TBX1: variants seen among roughly 807,000 people sequenced by gnomAD.
The protein encoded by TBX1 is T-box transcription factor TBX1.
Under a neutral mutation model 40.8 loss-of-function variants are expected in TBX1, and 16 were observed. The ratio of observed to expected loss-of-function variants is 0.39; its 90% confidence interval spans 0.27 to 0.60. The LOEUF (loss-of-function observed/expected upper bound fraction) is 0.60, where lower values mean the gene tolerates loss of function less well. Ranked by LOEUF, TBX1 falls within the 20% of genes least tolerant of loss-of-function variation. The pLI, the probability that TBX1 is intolerant of heterozygous loss-of-function variation, is 0.51. For synonymous variants in TBX1, 403 were observed against 336.8 expected, an observed-to-expected ratio of 1.20 and a Z score of -2.15; for missense variants, 755 against 728.5, an observed-to-expected ratio of 1.04 and a Z score of -0.42.
upstream of TBX1, among the ~76,000 whole-genome samples, chr22:19,760,525 C>A (rs1039877254): frequency 6.9e-6 from 1 of 143,910 alleles, no homozygotes; most frequent in Non-Finnish European, 1.5e-5. Flanking sequence ...GAGGGCCGGC[C>A]GACGGGCCCG....
chr22:19,774,589 G>A (rs41297790), intron 8 of TBX1, among the ~76,000 whole-genome samples: 1,975 of 152,216 alleles, frequency 0.013, 26 homozygotes, highest in South Asian at 0.047. Flanking sequence ...ATAAGTGAAC[G>A]GATCAACAAA....
rs772562231 is a variant in TBX1, at chr22:19,765,749, T to C, written c.868-9T>C. On this transcript the variant is annotated splice_polypyrimidine_tract_variant and intron_variant, in intron 4 of 6. Coordinates refer to ENST00000649276, the MANE Select transcript of TBX1 (RefSeq NM_001379200.1). ...CTCCAGCGGCTTGCTCACACCCACCTCCCTGCAGATCACGCAGCTCAAGAT... is the reference window on the plus strand; with the variant it reads ...CTCCAGCGGCTTGCTCACACCCACCCCCCTGCAGATCACGCAGCTCAAGAT... The C allele has an allele frequency of 1.2e-6, 2 of 1,611,036 alleles. No homozygotes were observed. Among genetic ancestry groups the C allele is most frequent in the Non-Finnish European group, 1.7e-6 (2 of 1,179,080 alleles).
At chr22:19,774,525 T>C (rs1347165120) in intron 8 of TBX1, among the ~76,000 whole-genome samples, 1 of 152,186 alleles carries the variant, frequency 6.6e-6, no homozygotes, top group African/African-American at 2.4e-5. Flanking sequence ...CCACCCATGT[T>C]CATAGCAGCA....
Position 19,766,878 on chromosome 22 carries a change from G to C in TBX1, c.*11G>C, listed in dbSNP as rs1936878742. 1.9e-6 allele frequency: 3 copies of C among 1,585,338 alleles called. No individual in the cohort carries two copies. The highest frequency in any genetic ancestry group is 2.6e-6 in the Non-Finnish European group (3 of 1,174,082). On this transcript the variant is annotated 3_prime_UTR_variant, in exon 7 of 7. Transcript: ENST00000649276. ...TATTGCCCCAGATAACACGGGCCCT[G>C]TCGCGCTCCCGCCCCGGTCCTGCAC...
Position 19,765,992 on chromosome 22 carries a change from C to A in TBX1, c.1026C>A (p.Gly342=), listed in dbSNP as rs1360989561. ...NPVASPTQPS[G]TEKDAAEARR... is the part of the protein sequence containing the mutation. ...TGGCTTCCCCGACGCAGCCCAGCGG[C>A]ACGGAGAAAGGTAGGGCCGGGGTCG... The change falls in exon 6 of 7, where the codon GGC becomes GGA. Residue 342 remains glycine, a synonymous_variant. Transcript: ENST00000649276. 2.0e-6 allele frequency: 3 copies of A among 1,511,566 alleles called. No homozygotes were observed. The highest frequency in any genetic ancestry group is 1.8e-6 in the Non-Finnish European group (2 of 1,136,104). The allele number at this position is 1,511,566 out of a possible 1,614,324, so 93.6% of individuals were successfully genotyped here. A position where few individuals can be genotyped will look rare whatever the true frequency, so the allele number is the denominator to read the frequency against.
At chr22:19,761,326 G>C (rs1451730731) in intron 1 of TBX1, 46 bp downstream of exon 1, 1 of 1,510,170 alleles carries the variant, frequency 6.6e-7, no homozygotes, top group Non-Finnish European at 8.9e-7. Flanking sequence ...ACGTGCTGCC[G>C]CCAGGGCTGC....
exon 9 of TBX1, chr22:19,779,346 G>A: frequency 1.2e-6 from 2 of 1,614,216 alleles, no homozygotes; most frequent in Non-Finnish European, 1.7e-6. Context: ...CCCGCAGAGT[G>A]CCAACCCTTC....
chr22:19,763,402 C>T (rs927971682), intron 2 of TBX1, 60 bp downstream of exon 2: 4 of 1,535,164 alleles, frequency 2.6e-6, no homozygotes, highest in Non-Finnish European at 3.6e-6. Flanking sequence ...TGGCGGGTCT[C>T]CGCCTGGTGA....
downstream of TBX1, among the ~76,000 whole-genome samples, chr22:19,768,962 T>TTTTTTTTTTTTTTTTC (rs1936941421): frequency 7.7e-6 from 1 of 130,714 alleles, no homozygotes; most frequent in Non-Finnish European, 1.6e-5. Context: ...TCTTTTTTTT[T>TTTTTTTTTTTTTTTTC]TTTTTTTTTT....
At chr22:19,768,953 CTTTTTTT>C (rs36085623), downstream of TBX1, among the ~76,000 whole-genome samples, 4,415 of 66,160 alleles carry the variant, frequency 0.067, 261 homozygotes, top group African/African-American at 0.15. Context: ...TGTTCGCATT[CTTTTTTT>C]TTTTTTTTTT....
At chr22:19,757,651 C>T (rs971426004), upstream of TBX1, among the ~76,000 whole-genome samples, 3 of 152,156 alleles carry the variant, frequency 2.0e-5, no homozygotes, top group Admixed American at 6.5e-5. Flanking sequence ...ACCAAATCTG[C>T]GGCCACCAGC....
chr22:19,776,841 G>A (rs535268835), intron 8 of TBX1, among the ~76,000 whole-genome samples: 2 of 152,256 alleles, frequency 1.3e-5, no homozygotes, highest in South Asian at 2.1e-4. Context: ...TTTATCTCAC[G>A]GAGGGAAGGA....
At position 19,766,550 on chromosome 22, in the gene TBX1, G is replaced by A. The variant is rs1936854182; in HGVS notation, c.1198G>A (p.Gly400Ser). 3.6e-6 allele frequency: 5 copies of A among 1,384,870 alleles called. No homozygotes were observed. The highest frequency in any genetic ancestry group is 1.6e-5 in the South Asian group (1 of 61,716). 85.8% of individuals were successfully genotyped at this position (1,384,870 alleles called of 1,614,324 possible). ...GLVPLPGAPGGRPSPPNPELR... is the reference protein window; with the variant it reads ...GLVPLPGAPGSRPSPPNPELR... ...AGTCCCGCTGCCCGGCGCGCCCGGA[G>A]GCCGGCCCAGTCCCCCGAACCCCGA... The change falls in exon 7 of 7, where the codon GGC becomes AGC. Residue 400 changes from glycine (G) to serine (S), a missense_variant. Transcript: ENST00000649276.
chr22:19,761,122 C>T lies in TBX1; in HGVS notation c.279C>T (p.Ala93=), dbSNP rs1191392752. ...CCGGGGCCGCCACCAGCGCCGCCGCCGAGCCCGAGGGCCCCGGGGCCAGCT... is the reference window on the plus strand; with the variant it reads ...CCGGGGCCGCCACCAGCGCCGCCGCTGAGCCCGAGGGCCCCGGGGCCAGCT... The part of the protein sequence containing the change: ...PAAGAATSAA[A]EPEGPGASCA... The change falls in exon 1 of 7, where the codon GCC becomes GCT. Residue 93 remains alanine, a synonymous_variant. Coordinates refer to ENST00000649276, the MANE Select transcript of TBX1 (RefSeq NM_001379200.1). 2.3e-6 allele frequency: 3 copies of T among 1,308,830 alleles called. No homozygotes were observed. Among genetic ancestry groups the T allele is most frequent in the Admixed American group, 2.8e-5 (1 of 35,610 alleles). 81.1% of individuals were successfully genotyped at this position (1,308,830 alleles called of 1,614,324 possible).
At chr22:19,772,099 A>G (rs1043194336), downstream of TBX1, among the ~76,000 whole-genome samples, 7 of 151,900 alleles carry the variant, frequency 4.6e-5, no homozygotes, top group African/African-American at 1.7e-4. Flanking sequence ...GTTCCTCTCA[A>G]CAGTTTTTTT....
At chr22:19,764,473 C>T (rs1936768480) in intron 3 of TBX1, 147 bp downstream of exon 3, 4 of 1,021,718 alleles carry the variant, frequency 3.9e-6, no homozygotes, top group East Asian at 5.0e-5. Flanking sequence ...CCTTTAGAGT[C>T]CCTGCGAGGC....
At chr22:19,764,853 C>G in intron 3 of TBX1, 105 bp from the exon 4 acceptor site, 1 of 1,411,378 alleles carries the variant, frequency 7.1e-7, no homozygotes, top group Non-Finnish European at 9.9e-7. Flanking sequence ...CCAACTCATC[C>G]AGGAAACTCA....
chr22:19,763,009 G>A (rs1342535489), intron 1 of TBX1, among the ~76,000 whole-genome samples: 1 of 152,212 alleles, frequency 6.6e-6, no homozygotes, highest in Non-Finnish European at 1.5e-5. Context: ...GGCCATTTCT[G>A]TGTCCAGGAA....
chr22:19,759,961 G>A (rs905124469), upstream of TBX1, among the ~76,000 whole-genome samples: 4 of 151,274 alleles, frequency 2.6e-5, no homozygotes, highest in Non-Finnish European at 4.4e-5. Context: ...AGCCTGGAGA[G>A]GGGGGAGGAA....
Sources: gnomAD v4.1 joint callset for allele counts (sites outside exome capture counted in the v4.1 genomes callset) on GRCh38, gnomAD v4.1.1 for gene constraint, MANE v1.5 for transcripts, NCBI Gene and HGNC (gene_info 2026-07-23, HGNC 2026-07-21) for gene names.